Variants in DTNBP1 observed in about 807,000 individuals in gnomAD.
DTNBP1 encodes dystrobrevin binding protein 1.
In DTNBP1, 35 loss-of-function variants were observed where a neutral mutation model predicts 42.8. The observed-to-expected ratio is 0.82, with a 90% CI of 0.63 to 1.09. The LOEUF (loss-of-function observed/expected upper bound fraction) is 1.09. Among genes scored for constraint, DTNBP1 ranks in the 50% least tolerant of loss-of-function variants. The pLI, the probability that DTNBP1 is intolerant of heterozygous loss-of-function variation, is 0.00. For missense variants in DTNBP1, 457 were observed against 424.2 expected (o/e 1.08, Z -0.68); for synonymous variants, 171 against 162.2 (o/e 1.05, Z -0.41).
At chr6:15,563,874 G>A (rs532209644) in intron 7 of DTNBP1, among the ~76,000 whole-genome samples, 2 of 152,234 alleles carry the variant, frequency 1.3e-5, no homozygotes, top group South Asian at 2.1e-4. Context: ...AGGAGTTCGA[G>A]ACCAGCCTGA....
chr6:15,522,842 T>A lies in DTNBP1; in HGVS notation c.*133A>T, dbSNP rs1412979555. 6.7e-7 allele frequency: 1 copy of A among 1,495,720 alleles called. No homozygotes were observed. Among genetic ancestry groups the A allele is most frequent in the African/African-American group, 1.4e-5 (1 of 72,480 alleles). 92.7% of individuals were successfully genotyped at this position (1,495,720 alleles called of 1,614,324 possible). On this transcript the variant is annotated 3_prime_UTR_variant, in exon 10 of 10. Transcript: ENST00000344537. ...TCACACTTTATTGTTAGCTGTTCTTTAAGTTTCTCACACATTATTGGCAAT... is the reference window on the plus strand; with the variant it reads ...TCACACTTTATTGTTAGCTGTTCTTAAAGTTTCTCACACATTATTGGCAAT...
intron 7 of DTNBP1, among the ~76,000 whole-genome samples, chr6:15,539,017 A>C (rs979346375): frequency 2.6e-5 from 4 of 151,872 alleles, no homozygotes; most frequent in African/African-American, 9.7e-5. Context: ...CCAGCACCAC[A>C]CTCTCAACTC....
intron 7 of DTNBP1, among the ~76,000 whole-genome samples, chr6:15,556,778 C>T (rs889578936): frequency 1.3e-5 from 2 of 152,148 alleles, no homozygotes; most frequent in Non-Finnish European, 2.9e-5. Flanking sequence ...TCCCTTCTCT[C>T]TCTCTCTTGC....
chr6:15,651,238 C>T (rs948521133), intron 3 of DTNBP1, 75 bp downstream of exon 3: 1 of 1,379,434 alleles, frequency 7.2e-7, no homozygotes. Flanking sequence ...GGCTTTTAAC[C>T]TACAAAATTA....
At chr6:15,625,887 G>C (rs1335474965) in intron 5 of DTNBP1, among the ~76,000 whole-genome samples, 2 of 152,218 alleles carry the variant, frequency 1.3e-5, no homozygotes, top group African/African-American at 2.4e-5. Context: ...CCAAGGCTTG[G>C]GAAGGACCAT....
At chr6:15,650,356 C>A (rs1212293727) in intron 3 of DTNBP1, among the ~76,000 whole-genome samples, 1 of 152,066 alleles carries the variant, frequency 6.6e-6, no homozygotes, top group Non-Finnish European at 1.5e-5. Flanking sequence ...CACCGCAACC[C>A]CTGCCGAGAT....
At chr6:15,660,519 G>A (rs1761546192) in intron 1 of DTNBP1, 2 of 1,289,616 alleles carry the variant, frequency 1.6e-6, no homozygotes, top group Admixed American at 2.3e-5. Flanking sequence ...AGCTGAAAGT[G>A]ACCTGTACAG....
intron 4 of DTNBP1, among the ~76,000 whole-genome samples, chr6:15,636,742 C>A (rs941427391): frequency 6.6e-6 from 1 of 152,186 alleles, no homozygotes; most frequent in African/African-American, 2.4e-5. Context: ...TCCCACAAAT[C>A]TCCAAAGCTT....
chr6:15,634,733 G>C lies in DTNBP1; in HGVS notation c.222+3011C>G, dbSNP rs115750450. On this transcript the variant is annotated intron_variant, in intron 4 of 9. Coordinates refer to ENST00000344537, the MANE Select transcript of DTNBP1 (RefSeq NM_032122.5). ...TCCCCCAAATAATACGGAAGTGTTA[G>C]AATGCTTGAACGCTGATAATCTGCC... is the stretch of plus-strand genomic sequence containing the variant. Among the ~76,000 whole-genome samples, 651 of 152,262 alleles carry C rather than the reference G, an allele frequency of 4.3e-3. 3 individuals are homozygous for C. Among genetic ancestry groups the C allele is most frequent in the Non-Finnish European group, 6.9e-3 (469 of 68,032 alleles).
At chr6:15,592,132 T>C (rs924047942) in intron 7 of DTNBP1, among the ~76,000 whole-genome samples, 2 of 152,190 alleles carry the variant, frequency 1.3e-5, no homozygotes, top group African/African-American at 4.8e-5. Context: ...TCTTGAGAAT[T>C]TGTCATTTTT....
At chr6:15,541,571 G>A (rs939952019) in intron 7 of DTNBP1, among the ~76,000 whole-genome samples, 10 of 152,054 alleles carry the variant, frequency 6.6e-5, no homozygotes, top group Admixed American at 3.3e-4. Flanking sequence ...TTTCTACGAC[G>A]AGTCAAGAGT....
intron 7 of DTNBP1, among the ~76,000 whole-genome samples, chr6:15,563,501 C>T (rs986025424): frequency 3.3e-5 from 5 of 152,178 alleles, no homozygotes; most frequent in South Asian, 2.1e-4. Context: ...TGCCACATAA[C>T]GTTAGATACT....
intron 7 of DTNBP1, among the ~76,000 whole-genome samples, chr6:15,578,103 G>C (rs1775660148): frequency 1.3e-5 from 2 of 152,232 alleles, no homozygotes; most frequent in Admixed American, 1.3e-4. Flanking sequence ...AAGCCCTTAG[G>C]CAGGAGAGAA....
intron 3 of DTNBP1, among the ~76,000 whole-genome samples, chr6:15,641,621 T>C (rs1664718608): frequency 6.6e-6 from 1 of 152,138 alleles, no homozygotes; most frequent in African/African-American, 2.4e-5. Context: ...TACATGCGTG[T>C]CCACACTCCT....
chr6:15,532,547 A>C (rs946490071), intron 8 of DTNBP1, among the ~76,000 whole-genome samples: 15 of 152,174 alleles, frequency 9.9e-5, no homozygotes, highest in African/African-American at 1.4e-4. Context: ...TCAGATACCA[A>C]TTAGATAAGC....
At chr6:15,662,695 G>T in intron 1 of DTNBP1, 119 bp downstream of exon 1, 1 of 1,358,698 alleles carries the variant, frequency 7.4e-7, no homozygotes, top group Non-Finnish European at 1.0e-6. Context: ...GGGCGGGGCG[G>T]GGAGGTGCGG....
intron 7 of DTNBP1, among the ~76,000 whole-genome samples, chr6:15,576,718 G>A (rs112761674): frequency 0.016 from 2,374 of 145,266 alleles, 77 homozygotes; most frequent in African/African-American, 0.058. Context: ...GCAGTGAGCC[G>A]AGATCACACC....
chr6:15,654,348 G>A (rs1483621865), intron 1 of DTNBP1, among the ~76,000 whole-genome samples: 1 of 152,140 alleles, frequency 6.6e-6, no homozygotes, highest in Non-Finnish European at 1.5e-5. Flanking sequence ...AAAATACTTA[G>A]TTGGAACATC....
At chr6:15,650,573 C>T (rs1368536086) in intron 3 of DTNBP1, among the ~76,000 whole-genome samples, 1 of 152,130 alleles carries the variant, frequency 6.6e-6, no homozygotes, top group Non-Finnish European at 1.5e-5. Flanking sequence ...TGAGCCACCG[C>T]GACCGGCCTC....
Sources: gnomAD v4.1 joint callset for allele counts (sites outside exome capture counted in the v4.1 genomes callset) on GRCh38, gnomAD v4.1.1 for gene constraint, MANE v1.5 for transcripts, NCBI Gene and HGNC (gene_info 2026-07-23, HGNC 2026-07-21) for gene names.